The following EXOC1 variants were observed in gnomAD, a reference collection of about 807,000 sequenced individuals.
EXOC1 encodes the protein SEC3-like 1.
A neutral mutation model predicts 107.7 loss-of-function variants in EXOC1; 67 were observed. The observed-to-expected ratio is 0.62, with a 90% CI of 0.51 to 0.76. EXOC1 has a LOEUF of 0.76. Ranked by LOEUF, EXOC1 falls within the 30% of genes least tolerant of loss-of-function variation. EXOC1 has a pLI of 0.00. For missense variants in EXOC1, 833 were observed against 1,055.7 expected (o/e 0.79, Z 2.92); for synonymous variants, 348 against 353.5 (o/e 0.98, Z 0.17).
intron 9 of EXOC1, among the ~76,000 whole-genome samples, chr4:55,882,432 G>C (rs1471197063): frequency 2.0e-5 from 3 of 152,088 alleles, no homozygotes; most frequent in Non-Finnish European, 2.9e-5. Flanking sequence ...TCTGTTGAGT[G>C]CCAGGAAAAA....
intron 1 of EXOC1, among the ~76,000 whole-genome samples, chr4:55,857,797 A>T (rs529364008): frequency 3.6e-4 from 55 of 152,234 alleles, no homozygotes; most frequent in African/African-American, 1.2e-3. Flanking sequence ...TTACACCAAC[A>T]CTTGTTATTT....
intron 10 of EXOC1, 122 bp from the exon 11 acceptor site, chr4:55,888,766 T>C: frequency 2.2e-6 from 2 of 929,074 alleles, no homozygotes; most frequent in Non-Finnish European, 3.4e-6. Context: ...TACTTGATGC[T>C]CATGGTTCTT....
chr4:55,878,223 A>G (rs1193508844), intron 9 of EXOC1, among the ~76,000 whole-genome samples, 157 bp downstream of exon 9: 1 of 152,234 alleles, frequency 6.6e-6, no homozygotes, highest in African/African-American at 2.4e-5. Context: ...CATTCATTTT[A>G]TTAACTTGGA....
chr4:55,865,186 T>C (rs1363081486), intron 4 of EXOC1, among the ~76,000 whole-genome samples: 2 of 152,236 alleles, frequency 1.3e-5, no homozygotes, highest in Non-Finnish European at 2.9e-5. Flanking sequence ...TGAAGATTAT[T>C]AGAATATTTT....
At chr4:55,857,168 C>CTTTTTTTTTTTTTTT (rs71192052) in intron 1 of EXOC1, among the ~76,000 whole-genome samples, 14 of 65,742 alleles carry the variant, frequency 2.1e-4, no homozygotes, top group African/African-American at 4.5e-4. Context: ...TCCTTTTTTT[C>CTTTTTTTTTTTTTTT]TTTTTTTTTT....
intron 11 of EXOC1, among the ~76,000 whole-genome samples, chr4:55,889,871 C>T (rs1409259907): frequency 6.6e-6 from 1 of 152,144 alleles, no homozygotes; most frequent in Non-Finnish European, 1.5e-5. Flanking sequence ...CATCCATATT[C>T]CTGTCCTTTT....
chr4:55,898,182 A>G (rs938816635), intron 16 of EXOC1, among the ~76,000 whole-genome samples: 3 of 152,152 alleles, frequency 2.0e-5, no homozygotes, highest in Admixed American at 2.0e-4. Flanking sequence ...ATTTGAGCTC[A>G]GGAGGTCAAG....
rs763763596 is a variant in EXOC1 at position 55,877,479 on chromosome 4, G to T, written c.1075-438G>T. On this transcript the variant is annotated intron_variant, in intron 8 of 18. Transcript: ENST00000381295. ...TATATTCTACTTTTTTTTATCTGTT[G>T]TTTTAAATATTACAAACTCTAATGG... 5 of 984,914 alleles carry T rather than the reference G, an allele frequency of 5.1e-6. No homozygotes were observed. In the East Asian group the frequency reaches 3.4e-4, roughly 67 times the overall value. 61.0% of individuals were successfully genotyped at this position (984,914 alleles called of 1,614,324 possible).
At chr4:55,858,513 T>C in intron 2 of EXOC1, 66 bp downstream of exon 2, 1 of 1,448,166 alleles carries the variant, frequency 6.9e-7, no homozygotes, top group Non-Finnish European at 9.1e-7. Flanking sequence ...TATTTCCTCT[T>C]TGTTTTGAAT....
At chr4:55,875,359 G>A (rs1213168240) in intron 8 of EXOC1, 2 of 815,652 alleles carry the variant, frequency 2.5e-6, no homozygotes, top group South Asian at 5.6e-5. Context: ...ACTTTGCTCA[G>A]ATTTTTTTTT....
intron 16 of EXOC1, among the ~76,000 whole-genome samples, chr4:55,897,350 G>A (rs1725354091): frequency 6.6e-6 from 1 of 152,020 alleles, no homozygotes; most frequent in Non-Finnish European, 1.5e-5. Flanking sequence ...GATTACATTT[G>A]CATTTTAACA....
chr4:55,857,268 T>A (rs1227745992), intron 1 of EXOC1, among the ~76,000 whole-genome samples: 2 of 130,246 alleles, frequency 1.5e-5, no homozygotes, highest in Admixed American at 9.1e-5. Context: ...AAGCTCCGCC[T>A]CCCGAGTTCA....
intron 1 of EXOC1, among the ~76,000 whole-genome samples, chr4:55,856,397 A>G (rs1191783288): frequency 6.6e-6 from 1 of 152,240 alleles, no homozygotes; most frequent in Non-Finnish European, 1.5e-5. Context: ...AAAGAAGGGC[A>G]ATGTCAGAAG....
intron 18 of EXOC1, among the ~76,000 whole-genome samples, chr4:55,904,111 T>G (rs1157568118): frequency 2.0e-5 from 3 of 151,492 alleles, no homozygotes; most frequent in Non-Finnish European, 4.4e-5. Flanking sequence ...ATGAGGAAGG[T>G]CTTATTATTA....
At chr4:55,885,474 C>T (rs1330343894) in intron 10 of EXOC1, 2 of 152,024 alleles carry the variant, frequency 1.3e-5, no homozygotes, top group Non-Finnish European at 2.9e-5. Flanking sequence ...TAACATAATA[C>T]AGGTTAAAAG....
At position 55,902,526 on chromosome 4, in the gene EXOC1, G is replaced by T; in HGVS notation, c.2520G>T (p.Glu840Asp). The change falls in exon 18 of 19, where the codon GAG becomes GAT. Residue 840 changes from glutamate (E) to aspartate (D), a missense_variant. Coordinates refer to ENST00000381295, the MANE Select transcript of EXOC1 (RefSeq NM_001024924.2). Reference protein sequence around the residue: ...KKVDKHLCEEENLLQVVWHSM... With the variant: ...KKVDKHLCEEDNLLQVVWHSM... Reference sequence around the variant, plus strand: ...TTGATAAACATTTATGTGAAGAAGAGAACTTACTTCAGGTATGCTTACTTC... The same window carrying T: ...TTGATAAACATTTATGTGAAGAAGATAACTTACTTCAGGTATGCTTACTTC... 1 of 1,511,362 alleles carries T rather than the reference G, an allele frequency of 6.6e-7. No individual in the cohort carries two copies. The highest frequency in any genetic ancestry group is 1.4e-5 in the South Asian group (1 of 73,260). 93.6% of individuals were successfully genotyped at this position (1,511,362 alleles called of 1,614,324 possible).
Position 55,893,740 on chromosome 4 carries a change from A to T in EXOC1, c.1913A>T (p.Asn638Ile). 1 of 1,614,040 alleles carries T rather than the reference A, an allele frequency of 6.2e-7. No individual in the cohort carries two copies. The change falls in exon 15 of 19, where the codon AAT (asparagine) becomes ATT (isoleucine). Residue 638 changes from asparagine to isoleucine, a missense_variant. By Grantham distance (149) the Asn-to-Ile change is moderately radical. Coordinates refer to ENST00000381295, the MANE Select transcript of EXOC1 (RefSeq NM_001024924.2). ...PASFLSTTLGNVLVTVKRNFD... is the reference protein window; with the variant it reads ...PASFLSTTLGIVLVTVKRNFD... Reference sequence around the variant, plus strand: ...TCTTTCCTAAGTACTACATTGGGAAATGTTTTGGTGACTGTCAAAAGGAAC... The same window carrying T: ...TCTTTCCTAAGTACTACATTGGGAATTGTTTTGGTGACTGTCAAAAGGAAC...
intron 13 of EXOC1, 168 bp from the exon 14 acceptor site, chr4:55,892,467 A>G (rs920537419): frequency 2.3e-5 from 14 of 599,178 alleles, no homozygotes; most frequent in Non-Finnish European, 3.5e-5. Flanking sequence ...ACATTCTTAA[A>G]TAGCATACTA....
At chr4:55,904,267 C>T (rs1317037838) in intron 18 of EXOC1, 76 bp from the exon 19 acceptor site, 3 of 1,370,428 alleles carry the variant, frequency 2.2e-6, no homozygotes, top group African/African-American at 1.5e-5. Flanking sequence ...TTAGAATATG[C>T]CTTGGCATTA....
Sources: allele counts gnomAD v4.1 joint callset (sites outside exome capture counted in the v4.1 genomes callset), GRCh38; gene constraint gnomAD v4.1.1; transcripts MANE v1.5; gene names NCBI Gene and HGNC (gene_info 2026-07-23, HGNC 2026-07-21).